The following TNKS variants were observed in gnomAD, a reference collection of about 807,000 sequenced individuals.
TNKS encodes poly [ADP-ribose] polymerase tankyrase-1.
Under a neutral mutation model 135.8 loss-of-function variants are expected in TNKS, and 72 were observed. The observed-to-expected ratio is 0.53, with a 90% CI of 0.44 to 0.64. The LOEUF (loss-of-function observed/expected upper bound fraction) is 0.64, where lower values mean the gene tolerates loss of function less well. TNKS is among the 30% of genes least tolerant of loss of function. The pLI is 0.00. For synonymous variants in TNKS, 849 were observed against 649.3 expected, an observed-to-expected ratio of 1.31 and a Z score of -4.68; for missense variants, 1,769 against 1,674.0, an observed-to-expected ratio of 1.06 and a Z score of -0.99.
At chr8:9,676,073 C>T (rs1802521588) in intron 3 of TNKS, among the ~76,000 whole-genome samples, 1 of 145,894 alleles carries the variant, frequency 6.9e-6, no homozygotes, top group Admixed American at 7.0e-5. Context: ...AGTGCAATGG[C>T]ACAATCTCAG....
At chr8:9,751,505 C>T in intron 18 of TNKS, 104 bp from the exon 19 acceptor site, 1 of 954,914 alleles carries the variant, frequency 1.0e-6, no homozygotes, top group Admixed American at 2.3e-5. Context: ...GATAATGAGG[C>T]ATTCATTAAG....
intron 17 of TNKS, 28 bp from the exon 18 acceptor site, chr8:9,747,996 C>G: frequency 6.3e-7 from 1 of 1,576,858 alleles, no homozygotes; most frequent in Non-Finnish European, 8.6e-7. Context: ...TCATTCTTAA[C>G]TCTTTGTATC....
intron 12 of TNKS, among the ~76,000 whole-genome samples, chr8:9,721,412 C>G (rs1170359818): frequency 2.0e-5 from 3 of 150,912 alleles, no homozygotes; most frequent in South Asian, 4.2e-4. Context: ...CTTCCTAAGT[C>G]CCAAAACTAG....
intron 1 of TNKS, among the ~76,000 whole-genome samples, chr8:9,566,905 G>T (rs1375536963): frequency 6.6e-6 from 1 of 152,036 alleles, no homozygotes; most frequent in African/African-American, 2.4e-5. Context: ...ACCGCGCCCG[G>T]CCTAGCCCAG....
intron 11 of TNKS, among the ~76,000 whole-genome samples, chr8:9,711,698 G>A (rs1407773802): frequency 6.6e-6 from 1 of 152,110 alleles, no homozygotes; most frequent in Admixed American, 6.6e-5. Context: ...AACATAATCA[G>A]ATCCTTAAAG....
intron 8 of TNKS, among the ~76,000 whole-genome samples, chr8:9,707,879 T>C (rs1174119625): frequency 6.6e-6 from 1 of 152,220 alleles, no homozygotes; most frequent in Non-Finnish European, 1.5e-5. Flanking sequence ...TTCTATACCA[T>C]TACTTATGGT....
At chr8:9,751,919 T>C (rs1238709798) in intron 19 of TNKS, 73 bp downstream of exon 19, 1 of 1,380,116 alleles carries the variant, frequency 7.2e-7, no homozygotes. Flanking sequence ...TTTCTATTGA[T>C]AACTATTGAA....
Position 9,751,857 on chromosome 8 carries a change from C to G in TNKS, c.3070+11C>G. ...GGAAGGAAGGAGAAGGTGAGTAGAC[C>G]CCATGAATGCTTATTTATTTATACC... On this transcript the variant is annotated intron_variant, in intron 19 of 26. Coordinates refer to ENST00000310430, the MANE Select transcript of TNKS (RefSeq NM_003747.3). The G allele has an allele frequency of 6.2e-7, 1 of 1,609,678 alleles. No individual in the cohort carries two copies. Among genetic ancestry groups the G allele is most frequent in the South Asian group, 1.1e-5 (1 of 90,954 alleles).
chr8:9,634,781 G>A (rs1294142106), intron 3 of TNKS, among the ~76,000 whole-genome samples: 1 of 151,964 alleles, frequency 6.6e-6, no homozygotes, highest in African/African-American at 2.4e-5. Flanking sequence ...TCTACATGCC[G>A]TTTATTAAAA....
intron 5 of TNKS, among the ~76,000 whole-genome samples, chr8:9,682,638 C>A (rs1347701334): frequency 1.3e-5 from 2 of 151,900 alleles, no homozygotes; most frequent in African/African-American, 2.4e-5. Context: ...TATTTTGCAC[C>A]AGGACCAAGG....
At chr8:9,624,250 A>G (rs541542882) in intron 3 of TNKS, among the ~76,000 whole-genome samples, 1 of 152,320 alleles carries the variant, frequency 6.6e-6, no homozygotes, top group East Asian at 1.9e-4. Flanking sequence ...TTGTATTGCA[A>G]TTTGGATTAG....
chr8:9,700,617 T>C (rs1456849390), intron 5 of TNKS, among the ~76,000 whole-genome samples: 3 of 152,066 alleles, frequency 2.0e-5, no homozygotes, highest in Non-Finnish European at 4.4e-5. Flanking sequence ...CCTTCTTTTT[T>C]TTTTTCTGTT....
chr8:9,569,331 C>G (rs758089283), intron 1 of TNKS, among the ~76,000 whole-genome samples: 46 of 152,170 alleles, frequency 3.0e-4, no homozygotes, highest in Non-Finnish European at 6.2e-4. Flanking sequence ...GTGAACACAC[C>G]TGGGTAACTA....
intron 11 of TNKS, among the ~76,000 whole-genome samples, chr8:9,716,937 C>T (rs775934441): frequency 1.3e-5 from 2 of 151,044 alleles, no homozygotes; most frequent in Non-Finnish European, 3.0e-5. Flanking sequence ...AAATAAGAGT[C>T]GCTTGTTGAG....
intron 5 of TNKS, among the ~76,000 whole-genome samples, chr8:9,681,955 A>C (rs1415785719): frequency 6.6e-6 from 1 of 152,108 alleles, no homozygotes; most frequent in East Asian, 1.9e-4. Flanking sequence ...AGAGACTTCT[A>C]CTTTCATAGA....
At chr8:9,597,721 C>T (rs1021396424) in intron 2 of TNKS, among the ~76,000 whole-genome samples, 2 of 152,138 alleles carry the variant, frequency 1.3e-5, no homozygotes, top group African/African-American at 4.8e-5. Flanking sequence ...GTAAGCAGCT[C>T]TCTTTCAAGC....
chr8:9,585,872 A>G (rs1798359800), intron 2 of TNKS, among the ~76,000 whole-genome samples: 1 of 152,222 alleles, frequency 6.6e-6, no homozygotes, highest in Admixed American at 6.5e-5. Context: ...CTTAAAAAAA[A>G]TAACTGTTTT....
intron 2 of TNKS, among the ~76,000 whole-genome samples, chr8:9,581,976 A>G (rs1798185586): frequency 6.6e-6 from 1 of 152,190 alleles, no homozygotes; most frequent in South Asian, 2.1e-4. Flanking sequence ...GCTTTGGCAC[A>G]TATTGTCTTC....
intron 17 of TNKS, among the ~76,000 whole-genome samples, chr8:9,746,007 T>G (rs1242719155): frequency 6.6e-6 from 1 of 152,218 alleles, no homozygotes; most frequent in Non-Finnish European, 1.5e-5. Context: ...TTTCTTGGCC[T>G]TCCCTGTCTT....
Sources: allele counts gnomAD v4.1 joint callset (sites outside exome capture counted in the v4.1 genomes callset), GRCh38; gene constraint gnomAD v4.1.1; transcripts MANE v1.5; gene names NCBI Gene and HGNC (gene_info 2026-07-23, HGNC 2026-07-21).